RAB7B: variants seen among roughly 807,000 people sequenced by gnomAD.
RAB7B encodes the protein RAB7B, member RAS oncogene family.
intron 4 of RAB7B, among the ~76,000 whole-genome samples, chr1:205,988,773 G>C (rs1020743976): frequency 2.0e-5 from 3 of 152,172 alleles, no homozygotes; most frequent in Non-Finnish European, 4.4e-5. Flanking sequence ...GTGGGCGGCT[G>C]TGAGTCCACA....
chr1:205,993,151 G>A (rs995525660), intron 3 of RAB7B, among the ~76,000 whole-genome samples: 1 of 152,070 alleles, frequency 6.6e-6, no homozygotes, highest in Non-Finnish European at 1.5e-5. Flanking sequence ...GGCTTTGCAG[G>A]TCATTCTGTC....
In RAB7B at chr1:205,978,839, G is replaced by A. The variant is rs913765805; in HGVS notation, c.*12C>T. 3 of 398,600 alleles carry A rather than the reference G, an allele frequency of 7.5e-6. No individual in the cohort carries two copies. In the Admixed American group the frequency reaches 1.3e-4, roughly 18 times the overall value. 24.7% of individuals were successfully genotyped at this position (398,600 alleles called of 1,614,324 possible). A position where few individuals can be genotyped will look rare whatever the true frequency, so the allele number is the denominator to read the frequency against. ...GCTCTGTTTCTGGGCTTCCAGAGCA[G>A]GCGTCTGGAGGTCAGCAGCATCTGC... On this transcript the variant is annotated 3_prime_UTR_variant, in exon 6 of 6. Coordinates refer to ENST00000617070, the MANE Select transcript of RAB7B (RefSeq NM_001164522.3).
At chr1:205,985,844 C>CCCACCAT (rs1660595803) in intron 4 of RAB7B, among the ~76,000 whole-genome samples, 179 bp from the exon 5 acceptor site, 1 of 9,142 alleles carries the variant, frequency 1.1e-4, no homozygotes, top group Non-Finnish European at 2.9e-4. Flanking sequence ...AGGCCCACCA[C>CCCACCAT]CACTCCCATT....
intron 4 of RAB7B, among the ~76,000 whole-genome samples, chr1:205,988,247 CTTTT>C (rs1260955376): frequency 9.0e-4 from 28 of 31,160 alleles, no homozygotes; most frequent in African/African-American, 1.1e-3. Context: ...TTTTTTTTTT[CTTTT>C]AGTGTCTTGC....
chr1:205,977,127 C>T lies in RAB7B; in HGVS notation c.*1724G>A, dbSNP rs910908989. The T allele has an allele frequency of 5.6e-4, 86 of 152,356 alleles. 1 individual carries two copies. Among genetic ancestry groups the T allele is most frequent in the African/African-American group, 2.0e-3 (85 of 41,572 alleles). 9.4% of individuals were successfully genotyped at this position (152,356 alleles called of 1,614,324 possible). A position where few individuals can be genotyped will look rare whatever the true frequency, so the allele number is the denominator to read the frequency against. ...GACAGTCATAGGCTAACATCCCCAG[C>T]TTTGCCTGGAACTCAGGAAAGGATA... is the stretch of plus-strand genomic sequence containing the variant. On this transcript the variant is annotated 3_prime_UTR_variant, in exon 6 of 6. Coordinates refer to ENST00000617070, the MANE Select transcript of RAB7B (RefSeq NM_001164522.3).
chr1:205,988,841 C>A (rs1660665071), intron 4 of RAB7B, among the ~76,000 whole-genome samples: 1 of 152,166 alleles, frequency 6.6e-6, no homozygotes, highest in Non-Finnish European at 1.5e-5. Context: ...CTTGGCTCCC[C>A]TTCTCCATGT....
chr1:205,987,030 A>G (rs954672178), intron 4 of RAB7B, among the ~76,000 whole-genome samples: 7 of 152,124 alleles, frequency 4.6e-5, no homozygotes, highest in African/African-American at 7.2e-5. Flanking sequence ...AGACTTTTTA[A>G]TCTCATTTTT....
In RAB7B at chr1:205,977,411, G is replaced by A. The variant is rs1660400534; in HGVS notation, c.*1440C>T. Reference sequence around the variant, plus strand: ...TGAAGTTTTTGCTCATTTCTTACTAGGCTTAAGAAATTGGAATTCTCTGCC... The same window carrying A: ...TGAAGTTTTTGCTCATTTCTTACTAAGCTTAAGAAATTGGAATTCTCTGCC... On this transcript the variant is annotated 3_prime_UTR_variant, in exon 6 of 6. Coordinates refer to ENST00000617070, the MANE Select transcript of RAB7B (RefSeq NM_001164522.3). The A allele has an allele frequency of 6.6e-6, 1 of 152,136 alleles. No individual in the cohort carries two copies. The highest frequency in any genetic ancestry group is 2.1e-4 in the South Asian group (1 of 4,822). The allele number at this position is 152,136 out of a possible 1,614,324, so 9.4% of individuals were successfully genotyped here. A position where few individuals can be genotyped will look rare whatever the true frequency, so the allele number is the denominator to read the frequency against.
At chr1:205,997,520 G>A (rs1177051537) in intron 1 of RAB7B, among the ~76,000 whole-genome samples, 1 of 152,222 alleles carries the variant, frequency 6.6e-6, no homozygotes, top group Non-Finnish European at 1.5e-5. Context: ...AAGGAAGCAA[G>A]ATTAAGACGG....
intron 1 of RAB7B, among the ~76,000 whole-genome samples, chr1:205,998,620 G>A (rs1379188711): frequency 2.0e-5 from 3 of 152,364 alleles, no homozygotes; most frequent in East Asian, 1.9e-4. Context: ...GGTCAGAGAC[G>A]CGGCATGCTA....
At chr1:205,990,092 C>T (rs1299776620) in intron 4 of RAB7B, among the ~76,000 whole-genome samples, 3 of 152,148 alleles carry the variant, frequency 2.0e-5, no homozygotes, top group Middle Eastern at 3.2e-3. Context: ...TTGGCAGAGG[C>T]GCAACAACTG....
chr1:206,002,540 CA>C (rs1215830321), intron 1 of RAB7B, among the ~76,000 whole-genome samples: 1 of 152,192 alleles, frequency 6.6e-6, no homozygotes, highest in East Asian at 1.9e-4. Flanking sequence ...TCTAAAGATA[CA>C]GACAAGTTAC....
At chr1:205,989,067 A>C (rs1571795131) in intron 4 of RAB7B, among the ~76,000 whole-genome samples, 1 of 147,360 alleles carries the variant, frequency 6.8e-6, no homozygotes, top group Non-Finnish European at 1.5e-5. Flanking sequence ...ATCCTATTCC[A>C]CCTCCCTACA....
chr1:205,985,778 T>TCAGGCCCACCAGGCCCACCAGGCCCAC (rs1660588114), intron 4 of RAB7B, 113 bp from the exon 5 acceptor site: 1 of 120,658 alleles, frequency 8.3e-6, no homozygotes, highest in Non-Finnish European at 1.3e-5. Flanking sequence ...ACCATCCCCA[T>TCAGGCCCACCAGGCCCACCAGGCCCAC]CATCCCCACC....
intron 1 of RAB7B, among the ~76,000 whole-genome samples, chr1:205,996,411 C>T (rs946378209): frequency 3.0e-3 from 452 of 152,236 alleles, no homozygotes; most frequent in African/African-American, 0.011. Context: ...ATAGGACATC[C>T]TGAGGCCTTG....
intron 1 of RAB7B, among the ~76,000 whole-genome samples, chr1:206,001,811 G>A (rs1278618741): frequency 6.6e-6 from 1 of 152,174 alleles, no homozygotes; most frequent in East Asian, 1.9e-4. Flanking sequence ...GGACTGAGCT[G>A]TTGCCAAGCC....
chr1:205,998,712 G>A (rs1660846680), intron 1 of RAB7B, among the ~76,000 whole-genome samples: 1 of 152,244 alleles, frequency 6.6e-6, no homozygotes, highest in South Asian at 2.1e-4. Context: ...GCTAACATTT[G>A]TTTGGTGGGC....
chr1:206,001,887 T>A (rs1336582159), intron 1 of RAB7B, among the ~76,000 whole-genome samples: 1 of 152,154 alleles, frequency 6.6e-6, no homozygotes, highest in African/African-American at 2.4e-5. Context: ...TCACTTCCTT[T>A]CTCTCCTTAC....
intron 4 of RAB7B, among the ~76,000 whole-genome samples, chr1:205,987,950 G>T (rs950890592): frequency 2.6e-4 from 39 of 152,038 alleles, no homozygotes; most frequent in African/African-American, 8.7e-4. Context: ...TCACTATGCT[G>T]CCCAGGTTGG....
Sources: gnomAD v4.1 joint callset for allele counts (sites outside exome capture counted in the v4.1 genomes callset) on GRCh38, gnomAD v4.1.1 for gene constraint, MANE v1.5 for transcripts, NCBI Gene and HGNC (gene_info 2026-07-23, HGNC 2026-07-21) for gene names.